UROD: variants seen among roughly 807,000 people sequenced by gnomAD.
The protein encoded by UROD is uroporphyrinogen III decarboxylase.
In UROD, 34 loss-of-function variants were observed where a neutral mutation model predicts 47.1. The ratio of observed to expected loss-of-function variants is 0.72; its 90% CI spans 0.55 to 0.96. The LOEUF (loss-of-function observed/expected upper bound fraction) is 0.96. UROD is among the 40% of genes least tolerant of loss of function. The pLI is 0.00. For missense variants in UROD, 381 were observed against 471.8 expected (o/e 0.81, Z 1.78); for synonymous variants, 148 against 175.8 (o/e 0.84, Z 1.25).
Position 45,014,823 on chromosome 1 carries a change from C to T in UROD, c.862C>T (p.Pro288Ser), listed in dbSNP as rs1239441390. ...GGTTGGGCTTGACTGGACAGTGGCC[C>T]CAAAGAAAGCCCGGTAAGCCATGGA... The part of the protein sequence containing the change: ...EVVGLDWTVA[P>S]KKARECVGKT... Residue 288 changes from proline (P) to serine (S), a missense_variant, in exon 8 of 10, where the codon CCA becomes TCA. By Grantham distance (74) the Pro-to-Ser change is moderately conservative. Transcript: ENST00000246337. 12 of 1,614,048 alleles carry T rather than the reference C, an allele frequency of 7.4e-6. No homozygotes were observed. The highest frequency in any genetic ancestry group is 1.0e-5 in the Non-Finnish European group (12 of 1,180,038).
At chr1:45,012,864 C>T (rs752860531) in intron 1 of UROD, 43 bp from the exon 2 acceptor site, 4 of 1,611,244 alleles carry the variant, frequency 2.5e-6, no homozygotes, top group Non-Finnish European at 2.5e-6. Flanking sequence ...CAGCCTCCAG[C>T]GTAGCATACT....
rs1461212968 is a variant in UROD at position 45,012,383 on chromosome 1, A to C, written c.20+98A>C. The C allele has an allele frequency of 1.5e-5, 24 of 1,557,066 alleles. 1 individual carries two copies. The South Asian group carries it at 2.7e-4, about 17-fold the overall frequency. On this transcript the variant is annotated intron_variant, in intron 1 of 9. Transcript: ENST00000246337. ...CTCTACTCCCCTTTCCCCACCCTGG[A>C]GACCTCCCAACCTGAACTCCGTTAG...
chr1:45,014,088 G>A lies in UROD; in HGVS notation c.636+18G>A, dbSNP rs1367395583. ...GTGCCCAGGTGAGTCCTGAGAGAGA[G>A]AGAAATAGGCTGGGATTTGGTCTGT... On this transcript the variant is annotated intron_variant, in intron 6 of 9. Coordinates refer to ENST00000246337, the MANE Select transcript of UROD (RefSeq NM_000374.5). The A allele has an allele frequency of 6.2e-7, 1 of 1,614,150 alleles. No individual in the cohort carries two copies. The highest frequency in any genetic ancestry group is 1.1e-5 in the South Asian group (1 of 91,066).
rs774622634 is a variant in UROD at position 45,013,410 on chromosome 1, C to T, written c.276+56C>T. On this transcript the variant is annotated intron_variant, in intron 4 of 9. Coordinates refer to ENST00000246337, the MANE Select transcript of UROD (RefSeq NM_000374.5). This position sits in a 1 kb window ranked among gnomAD's most constrained non-coding sequence, Gnocchi z 4.2. Reference sequence around the variant, plus strand: ...ATCCAAGGACGCCTTGAAAATCCTTCTATCAGTCCAGTCAAGGTTTACAAT... The same window carrying T: ...ATCCAAGGACGCCTTGAAAATCCTTTTATCAGTCCAGTCAAGGTTTACAAT... 3.1e-6 allele frequency: 5 copies of T among 1,612,292 alleles called. No homozygotes were observed. The highest frequency in any genetic ancestry group is 3.3e-5 in the Admixed American group (2 of 60,024).
chr1:45,012,730 T>G, intron 1 of UROD, 177 bp from the exon 2 acceptor site: 1 of 1,377,000 alleles, frequency 7.3e-7, no homozygotes, highest in Non-Finnish European at 9.9e-7. Flanking sequence ...CCTTCTGGAG[T>G]TTGTGCACCA....
rs1186018443 is a variant in UROD at position 45,013,343 on chromosome 1, G to A, written c.265G>A (p.Val89Ile). 1.2e-6 allele frequency: 2 copies of A among 1,614,066 alleles called. No homozygotes were observed. The highest frequency in any genetic ancestry group is 4.5e-5 in the East Asian group (2 of 44,886). Reference sequence around the variant, plus strand: ...TGCCATCATTTTCTCCGACATCCTTGTTGTACCCCAGGTACCCACTCAAAC... The same window carrying A: ...TGCCATCATTTTCTCCGACATCCTTATTGTACCCCAGGTACCCACTCAAAC... ...DAAIIFSDIL[V>I]VPQALGMEVT... Residue 89 changes from valine (V) to isoleucine (I), a missense_variant, in exon 4 of 10, where the codon GTT becomes ATT. Coordinates refer to ENST00000246337, the MANE Select transcript of UROD (RefSeq NM_000374.5). The surrounding 1 kb of genome is among the most constrained non-coding windows in gnomAD (Gnocchi z 4.2).
rs200402253 is a variant in UROD at position 45,013,718 on chromosome 1, T to A, written c.401T>A (p.Val134Glu). The change falls in exon 5 of 10, where the codon GTG becomes GAG. Residue 134 changes from valine to glutamate, a missense_variant. Physicochemically the swap from Val to Glu is moderately radical, Grantham distance 121. Coordinates refer to ENST00000246337, the MANE Select transcript of UROD (RefSeq NM_000374.5). The surrounding 1 kb of genome is among the most constrained non-coding windows in gnomAD (Gnocchi z 4.2). ...GTGGTAGCCTCTGAGCTAGGCTATG[T>A]GTTCCAAGCCATCACCCTTACCCGA... ...PEVVASELGY[V>E]FQAITLTRQR... 145 of 1,614,014 alleles carry A rather than the reference T, an allele frequency of 9.0e-5. No homozygotes were observed. Among genetic ancestry groups the A allele is most frequent in the Non-Finnish European group, 9.8e-5 (116 of 1,180,034 alleles).
At position 45,015,505 on chromosome 1, in the gene UROD, A is replaced by C. The variant is rs1804883; in HGVS notation, c.*7A>C. ...TCTGCTTCGACAGAACTGAGTGTAT[A>C]CCTTTACCCTCAAGTACCACTAACA... is the stretch of plus-strand genomic sequence containing the variant. On this transcript the variant is annotated 3_prime_UTR_variant, in exon 10 of 10. Coordinates refer to ENST00000246337, the MANE Select transcript of UROD (RefSeq NM_000374.5). 5 of 1,614,070 alleles carry C rather than the reference A, an allele frequency of 3.1e-6. No individual in the cohort carries two copies. The highest frequency in any genetic ancestry group is 4.2e-6 in the Non-Finnish European group (5 of 1,180,044).
chr1:45,014,858 C>T (rs182878625), intron 8 of UROD, 22 bp downstream of exon 8: 1 of 1,614,068 alleles, frequency 6.2e-7, no homozygotes, highest in Admixed American at 1.7e-5. Context: ...AAGGGTGAGG[C>T]CTTGAGGTTG....
chr1:45,015,308 C>G (rs546811484), intron 9 of UROD, 29 bp from the exon 10 acceptor site: 2 of 1,612,914 alleles, frequency 1.2e-6, no homozygotes, highest in Non-Finnish European at 1.7e-6. Flanking sequence ...GCTGGTCCTC[C>G]TGTAGCCAGT....
At chr1:45,014,872 T>TGGG in intron 8 of UROD, 36 bp downstream of exon 8, 2 of 1,613,666 alleles carry the variant, frequency 1.2e-6, no homozygotes, top group Non-Finnish European at 1.7e-6. Context: ...GAGGTTGAGG[T>TGGG]GGGGGTGTTG....
intron 6 of UROD, 111 bp from the exon 7 acceptor site, chr1:45,014,328 C>A: frequency 6.5e-7 from 1 of 1,542,164 alleles, no homozygotes; most frequent in Non-Finnish European, 9.0e-7. Context: ...TTTTTAGGGT[C>A]AGGCAGTATC....
At position 45,013,668 on chromosome 1, in the gene UROD, C is replaced by G. The variant is rs1323838089; in HGVS notation, c.351C>G (p.Asp117Glu). The G allele has an allele frequency of 6.2e-7, 1 of 1,614,146 alleles. No homozygotes were observed. Among genetic ancestry groups the G allele is most frequent in the South Asian group, 1.1e-5 (1 of 91,080 alleles). Residue 117 changes from aspartate (D) to glutamate (E), a missense_variant, in exon 5 of 10, where the codon GAC (aspartate) becomes GAG (glutamate). Physicochemically the swap from Asp to Glu is conservative, Grantham distance 45. Coordinates refer to ENST00000246337, the MANE Select transcript of UROD (RefSeq NM_000374.5). This position sits in a 1 kb window ranked among gnomAD's most constrained non-coding sequence, Gnocchi z 4.2. ...SFPEPLREEQ[D>E]LERLRDPEVV... ...CAGAGCCATTAAGAGAAGAGCAGGA[C>G]CTAGAACGCCTACGGGATCCAGAAG...
At chr1:45,012,729 G>A in intron 1 of UROD, 178 bp from the exon 2 acceptor site, 1 of 1,383,408 alleles carries the variant, frequency 7.2e-7, no homozygotes, top group South Asian at 1.3e-5. Flanking sequence ...CCCTTCTGGA[G>A]TTTGTGCACC....
chr1:45,012,319 G>A, intron 1 of UROD, 34 bp downstream of exon 1: 3 of 1,614,074 alleles, frequency 1.9e-6, no homozygotes, highest in Non-Finnish European at 2.5e-6. Context: ...GTGGCTAGCC[G>A]GGCTTCTAAT....
chr1:45,014,423 A>G lies in UROD; in HGVS notation c.637-16A>G. The G allele has an allele frequency of 6.2e-7, 1 of 1,613,892 alleles. No individual in the cohort carries two copies. Among genetic ancestry groups the G allele is most frequent in the Non-Finnish European group, 8.5e-7 (1 of 1,180,024 alleles). On this transcript the variant is annotated splice_polypyrimidine_tract_variant and intron_variant, in intron 6 of 9. Transcript: ENST00000246337. Reference sequence around the variant, plus strand: ...CTTTGTGTGTTACATATTTTTCTTCACCATACCCTAACTAGGCATTGCAGC... The same window carrying G: ...CTTTGTGTGTTACATATTTTTCTTCGCCATACCCTAACTAGGCATTGCAGC...
Position 45,015,339 on chromosome 1 carries a change from G to T in UROD, c.945G>T (p.Glu315Asp). Reference sequence around the variant, plus strand: ...CCAGTGCCCTGTTGGTCCCCCAGGAGGAGATCGGGCAGTTGGTGAAGCAGA... The same window carrying T: ...CCAGTGCCCTGTTGGTCCCCCAGGATGAGATCGGGCAGTTGGTGAAGCAGA... ...LDPCALYASE[E>D]EIGQLVKQML... Residue 315 changes from glutamate to aspartate, a missense_variant and splice_region_variant, in exon 10 of 10, where the codon GAG (glutamate) becomes GAT (aspartate). By Grantham distance (45) the Glu-to-Asp change is conservative. Coordinates refer to ENST00000246337, the MANE Select transcript of UROD (RefSeq NM_000374.5). 6.2e-7 allele frequency: 1 copy of T among 1,614,004 alleles called. No individual in the cohort carries two copies.
In UROD at chr1:45,014,387, G is replaced by A. The variant is rs140369410; in HGVS notation, c.637-52G>A. 28 of 1,613,334 alleles carry A rather than the reference G, an allele frequency of 1.7e-5. No individual in the cohort carries two copies. In the African/African-American group the frequency reaches 3.5e-4, roughly 20 times the overall value. On this transcript the variant is annotated intron_variant, in intron 6 of 9. Transcript: ENST00000246337. Reference sequence around the variant, plus strand: ...AATTGAGGTGGATTTTGTATGTGGGGGAAACTTCCTCTTTGTGTGTTACAT... The same window carrying A: ...AATTGAGGTGGATTTTGTATGTGGGAGAAACTTCCTCTTTGTGTGTTACAT...
chr1:45,013,898 T>C lies in UROD; in HGVS notation c.475-11T>C. On this transcript the variant is annotated splice_polypyrimidine_tract_variant and intron_variant, in intron 5 of 9. Coordinates refer to ENST00000246337, the MANE Select transcript of UROD (RefSeq NM_000374.5). This position sits in a 1 kb window ranked among gnomAD's most constrained non-coding sequence, Gnocchi z 4.2. Reference sequence around the variant, plus strand: ...TGGCTTCTGTGACACCATCTTTCTATCCTTCTCTAGTGGACCCTGATGACA... The same window carrying C: ...TGGCTTCTGTGACACCATCTTTCTACCCTTCTCTAGTGGACCCTGATGACA... The C allele has an allele frequency of 6.2e-7, 1 of 1,614,210 alleles. No individual in the cohort carries two copies. The highest frequency in any genetic ancestry group is 1.3e-5 in the African/African-American group (1 of 75,058).
Sources: gnomAD v4.1 joint callset for allele counts on GRCh38, gnomAD v4.1.1 for gene constraint, Gnocchi (gnomAD v3.1) non-coding constraint, MANE v1.5 for transcripts, NCBI Gene and HGNC (gene_info 2026-07-23, HGNC 2026-07-21) for gene names.